The following UNC13C variants were observed in gnomAD, a reference collection of about 807,000 sequenced individuals.
The protein encoded by UNC13C is protein unc-13 homolog C.
Under a neutral mutation model 245.4 loss-of-function variants are expected in UNC13C, and 174 were observed. The observed-to-expected ratio is 0.71, with a 90% CI of 0.63 to 0.80. The LOEUF is 0.80. UNC13C is among the 30% of genes least tolerant of loss of function. UNC13C has a pLI of 0.00. For synonymous variants in UNC13C, 992 were observed against 895.1 expected, an observed-to-expected ratio of 1.11 and a Z score of -1.93; for missense variants, 2,829 against 2,602.9, an observed-to-expected ratio of 1.09 and a Z score of -1.89.
intron 1 of UNC13C, among the ~76,000 whole-genome samples, chr15:53,983,983 T>G (rs575886422): frequency 2.6e-5 from 4 of 152,124 alleles, no homozygotes; most frequent in Non-Finnish European, 5.9e-5. Context: ...AACACTACCC[T>G]AGTTCAAGTT....
At chr15:54,097,965 G>C (rs7166072) in intron 2 of UNC13C, among the ~76,000 whole-genome samples, 1 of 152,020 alleles carries the variant, frequency 6.6e-6, no homozygotes, top group Non-Finnish European at 1.5e-5. Flanking sequence ...GACTGTGAAC[G>C]TTTCTTTGCT....
At chr15:54,360,026 C>G (rs1301410707) in intron 17 of UNC13C, among the ~76,000 whole-genome samples, 1 of 151,852 alleles carries the variant, frequency 6.6e-6, no homozygotes, top group African/African-American at 2.4e-5. Context: ...TCTGTTTTCA[C>G]TTGTCTCAAT....
At position 54,018,190 on chromosome 15, in the gene UNC13C, G is replaced by A. The variant is rs558204134; in HGVS notation, c.2983+2304G>A. On this transcript the variant is annotated intron_variant, in intron 2 of 32. Transcript: ENST00000260323. ...ATCCCAAAGAGGTGCCAATTGTCATGATGGTTTCTGTTCCCATGGCCATCT... is the reference window on the plus strand; with the variant it reads ...ATCCCAAAGAGGTGCCAATTGTCATAATGGTTTCTGTTCCCATGGCCATCT... Among the ~76,000 whole-genome samples, 21 of 152,292 alleles carry A rather than the reference G, an allele frequency of 1.4e-4. No homozygotes were observed. In the South Asian group the frequency reaches 2.3e-3, roughly 17 times the overall value.
At chr15:53,922,419 T>C in the UNC13C span, among the ~76,000 whole-genome samples, 1 of 152,208 alleles carries the variant, frequency 6.6e-6, no homozygotes, top group African/African-American at 2.4e-5. Context: ...GACTTAATTT[T>C]ACAAATGAAG....
intron 8 of UNC13C, among the ~76,000 whole-genome samples, chr15:54,257,756 G>A (rs12903591): frequency 0.11 from 17,144 of 152,200 alleles, 1,231 homozygotes; most frequent in Non-Finnish European, 0.15. Context: ...AGGAGTGTGT[G>A]GCTTTGATTC....
At chr15:54,289,053 C>T (rs2037223829) in intron 10 of UNC13C, among the ~76,000 whole-genome samples, 1 of 152,094 alleles carries the variant, frequency 6.6e-6, no homozygotes, top group South Asian at 2.1e-4. Context: ...TGAAGTTGCA[C>T]TTAGAAGCCT....
At chr15:54,140,762 G>A (rs2031980121) in intron 2 of UNC13C, among the ~76,000 whole-genome samples, 1 of 152,198 alleles carries the variant, frequency 6.6e-6, no homozygotes, top group East Asian at 1.9e-4. Flanking sequence ...AATGAGTGAT[G>A]AGATCGCATT....
intron 7 of UNC13C, among the ~76,000 whole-genome samples, chr15:54,241,459 G>C (rs994955977): frequency 6.6e-6 from 1 of 152,122 alleles, no homozygotes; most frequent in Non-Finnish European, 1.5e-5. Context: ...AGGTACTTCA[G>C]ACCCCTGCTC....
intron 4 of UNC13C, among the ~76,000 whole-genome samples, chr15:54,152,698 GA>G (rs1267778582): frequency 6.6e-6 from 1 of 152,128 alleles, no homozygotes; most frequent in East Asian, 1.9e-4. Context: ...ACTTGTGTTA[GA>G]AAATTACCAG....
At chr15:53,952,698 G>A in the UNC13C span, among the ~76,000 whole-genome samples, 3 of 152,134 alleles carry the variant, frequency 2.0e-5, no homozygotes, top group African/African-American at 4.8e-5. Context: ...TTAGGAATCC[G>A]CTGTGCTGGC....
chr15:53,883,369 C>G, the UNC13C span, among the ~76,000 whole-genome samples: 3 of 152,146 alleles, frequency 2.0e-5, no homozygotes, highest in Non-Finnish European at 4.4e-5. Flanking sequence ...TGGTATCAGC[C>G]ACAGCCCTGG....
chr15:54,218,067 G>A (rs775354870), intron 4 of UNC13C, among the ~76,000 whole-genome samples: 3 of 151,902 alleles, frequency 2.0e-5, no homozygotes, highest in Non-Finnish European at 2.9e-5. Context: ...TAAAAAATTT[G>A]TATTATAGTG....
chr15:54,471,284 A>C (rs1892449736), intron 19 of UNC13C, among the ~76,000 whole-genome samples: 1 of 151,502 alleles, frequency 6.6e-6, no homozygotes, highest in Non-Finnish European at 1.5e-5. Context: ...CTATTGTTGA[A>C]AGTAGGATAC....
intron 31 of UNC13C, among the ~76,000 whole-genome samples, 195 bp from the exon 32 acceptor site, chr15:54,623,600 C>T (rs924631651): frequency 1.3e-5 from 2 of 152,170 alleles, no homozygotes; most frequent in Non-Finnish European, 2.9e-5. Context: ...ACCAAAGCTA[C>T]ACAGCTTAAA....
intron 28 of UNC13C, among the ~76,000 whole-genome samples, chr15:54,551,859 A>G (rs1206487692): frequency 6.6e-6 from 1 of 151,980 alleles, no homozygotes; most frequent in Non-Finnish European, 1.5e-5. Context: ...CTGAAACTCC[A>G]GCTGGCATGA....
intron 18 of UNC13C, among the ~76,000 whole-genome samples, chr15:54,401,256 C>G (rs887424460): frequency 6.6e-6 from 1 of 151,770 alleles, no homozygotes; most frequent in African/African-American, 2.4e-5. Context: ...TGTATTGAAC[C>G]CTTAATAAAT....
At chr15:53,957,991 G>T in the UNC13C span, among the ~76,000 whole-genome samples, 12 of 151,626 alleles carry the variant, frequency 7.9e-5, no homozygotes, top group Non-Finnish European at 1.5e-4. Context: ...GTGTTTTTTT[G>T]GTCAGAGGAG....
At chr15:53,858,863 G>A in the UNC13C span, among the ~76,000 whole-genome samples, 3 of 152,100 alleles carry the variant, frequency 2.0e-5, no homozygotes, top group African/African-American at 7.2e-5. Flanking sequence ...TCATACAGTA[G>A]TTGGAATAAT....
chr15:54,359,450 A>C (rs2039177462), intron 17 of UNC13C, among the ~76,000 whole-genome samples: 1 of 151,940 alleles, frequency 6.6e-6, no homozygotes, highest in South Asian at 2.1e-4. Context: ...AATATTTATT[A>C]GCCGTGAAGC....
Sources: allele counts gnomAD v4.1 joint callset (sites outside exome capture counted in the v4.1 genomes callset), GRCh38; gene constraint gnomAD v4.1.1; transcripts MANE v1.5; gene names NCBI Gene and HGNC (gene_info 2026-07-23, HGNC 2026-07-21).